SASH1: variants seen among roughly 807,000 people sequenced by gnomAD.
SASH1 encodes the protein SAM and SH3 domain containing 1.
SASH1 carries 44 observed loss-of-function variants against 125.2 expected under a neutral mutation model. That is an observed-to-expected ratio of 0.35 (90% CI 0.28 to 0.45). SASH1 has a LOEUF of 0.45. Among genes scored for constraint, SASH1 ranks in the 20% least tolerant of loss-of-function variants. The probability of loss-of-function intolerance (pLI) is 1.00; values close to 1 mark genes in which losing one functional copy is unlikely to be tolerated. For missense variants in SASH1, 1,426 were observed against 1,614.5 expected (o/e 0.88, Z 2.00); for synonymous variants, 639 against 649.1 (o/e 0.98, Z 0.24).
At chr6:148,408,407 A>G (rs1784468705) in intron 2 of SASH1, among the ~76,000 whole-genome samples, 1 of 152,056 alleles carries the variant, frequency 6.6e-6, no homozygotes, top group South Asian at 2.1e-4. Context: ...CGCCCAGCGC[A>G]TCTTTTCATA....
the SASH1 span, among the ~76,000 whole-genome samples, chr6:148,254,807 A>G: frequency 6.6e-6 from 1 of 152,232 alleles, no homozygotes. Flanking sequence ...GCAGTTCTTC[A>G]AAGTTATACC....
chr6:148,200,970 A>G, the SASH1 span, among the ~76,000 whole-genome samples: 1 of 152,184 alleles, frequency 6.6e-6, no homozygotes, highest in Non-Finnish European at 1.5e-5. Flanking sequence ...CTGATGTGAC[A>G]AGATCACTTC....
chr6:148,492,326 T>C (rs1158656488), intron 8 of SASH1, among the ~76,000 whole-genome samples: 5 of 152,248 alleles, frequency 3.3e-5, no homozygotes, highest in Non-Finnish European at 5.9e-5. Context: ...TAGCTAGATA[T>C]AAATTGTGAG....
the SASH1 span, among the ~76,000 whole-genome samples, chr6:148,244,516 A>G: frequency 8.5e-5 from 13 of 152,224 alleles, no homozygotes; most frequent in Admixed American, 7.9e-4. Flanking sequence ...ACAGACATTT[A>G]GAGAGTGGGC....
chr6:148,369,852 G>A (rs1456040330), intron 1 of SASH1, among the ~76,000 whole-genome samples: 7 of 151,288 alleles, frequency 4.6e-5, no homozygotes, highest in Non-Finnish European at 8.8e-5. Flanking sequence ...TACTCAGGAG[G>A]CTGAGGCATG....
intron 8 of SASH1, among the ~76,000 whole-genome samples, chr6:148,503,604 C>G (rs1779648996): frequency 6.6e-6 from 1 of 152,124 alleles, no homozygotes; most frequent in Non-Finnish European, 1.5e-5. Flanking sequence ...AAAGGAAAAT[C>G]TTTTGAGGCA....
chr6:148,280,092 G>GA lies in SASH1; in HGVS notation n.74+7723dup, dbSNP rs1000872388. On this transcript the variant is annotated intron_variant and non_coding_transcript_variant, in intron 1 of 3. Transcript: ENST00000367469. ...ATCATTCCCCCCCGACATAACAAAAGAAAAAAAAGATTGTGTATTTTCAAC... is the reference window on the plus strand; with the variant it reads ...ATCATTCCCCCCCGACATAACAAAAGAAAAAAAAAGATTGTGTATTTTCAAC... 8.9e-5 allele frequency among the ~76,000 whole-genome samples: 11 copies of GA among 123,006 alleles called. No individual in the cohort carries two copies. The Admixed American group carries it at 1.2e-3, about 14-fold the overall frequency. The allele number at this position is 123,006 out of a possible 152,430, so 80.7% of individuals were successfully genotyped here. A position where few individuals can be genotyped will look rare whatever the true frequency, so the allele number is the denominator to read the frequency against.
chr6:148,459,684 G>A (rs1160605527), intron 4 of SASH1, among the ~76,000 whole-genome samples: 1 of 152,038 alleles, frequency 6.6e-6, no homozygotes, highest in Non-Finnish European at 1.5e-5. Context: ...TTGGTTCATA[G>A]GTAGGGTGGT....
chr6:148,542,500 C>T (rs1782278944), intron 17 of SASH1, among the ~76,000 whole-genome samples: 1 of 152,208 alleles, frequency 6.6e-6, no homozygotes, highest in African/African-American at 2.4e-5. Flanking sequence ...CATTCTCCCG[C>T]CTCAGCCTCC....
chr6:148,319,070 T>C (rs1269051001), intron 1 of SASH1, among the ~76,000 whole-genome samples: 2 of 136,682 alleles, frequency 1.5e-5, no homozygotes, highest in Non-Finnish European at 3.1e-5. Flanking sequence ...TCTGGCTCTG[T>C]AGCCCAGGCT....
intron 7 of SASH1, among the ~76,000 whole-genome samples, chr6:148,475,026 A>G (rs991784650): frequency 6.6e-6 from 1 of 152,212 alleles, no homozygotes; most frequent in Non-Finnish European, 1.5e-5. Context: ...AGGCACTACA[A>G]GAAGCCTAAT....
Position 148,471,425 on chromosome 6 carries a change from G to C in SASH1, c.436G>C (p.Asp146His). The C allele has an allele frequency of 9.5e-7, 1 of 1,049,896 alleles. No individual in the cohort carries two copies. The highest frequency in any genetic ancestry group is 1.4e-6 in the Non-Finnish European group (1 of 714,034). 65.0% of individuals were successfully genotyped at this position (1,049,896 alleles called of 1,614,324 possible). The stretch of plus-strand genomic sequence containing the variant: ...TTTTTTTTTTTTTTAAGGAAAAGGA[G>C]ACTGGAAGAAGAAAAATAAGTATTT... ...NSEDSSVGKG[D>H]WKKKNKYFWQ... Residue 146 changes from aspartate (D) to histidine (H), a missense_variant, in exon 6 of 20, where the codon GAC (aspartate) becomes CAC (histidine). Physicochemically the swap from Asp to His is moderately conservative, Grantham distance 81 (BLOSUM62 -1). Coordinates refer to ENST00000367467, the MANE Select transcript of SASH1 (RefSeq NM_015278.5).
At chr6:148,409,705 G>A (rs1378198287) in intron 2 of SASH1, among the ~76,000 whole-genome samples, 1 of 152,172 alleles carries the variant, frequency 6.6e-6, no homozygotes, top group Non-Finnish European at 1.5e-5. Context: ...GGAGGCCTAG[G>A]TGGGCGGATC....
Position 148,432,355 on chromosome 6 carries a change from G to A in SASH1, c.286-7829G>A, listed in dbSNP as rs116955667. On this transcript the variant is annotated intron_variant, in intron 2 of 19. Transcript: ENST00000367467. ...CTGTTACTTGGTAAGGATCTCTCCG[G>A]TGAAGAACACATATAATGTAGTTTG... Among the ~76,000 whole-genome samples, 233 of 152,268 alleles carry A rather than the reference G, an allele frequency of 1.5e-3. 2 individuals are homozygous for A. Among genetic ancestry groups the A allele is most frequent in the Non-Finnish European group, 2.9e-3 (197 of 68,026 alleles).
chr6:148,281,673 A>G (rs1779344994), intron 1 of SASH1, among the ~76,000 whole-genome samples: 1 of 152,174 alleles, frequency 6.6e-6, no homozygotes, highest in Admixed American at 6.5e-5. Context: ...CTGTAATCCC[A>G]GCACTTTGGG....
At chr6:148,530,118 A>T (rs1029288966) in intron 12 of SASH1, among the ~76,000 whole-genome samples, 1 of 152,102 alleles carries the variant, frequency 6.6e-6, no homozygotes, top group Non-Finnish European at 1.5e-5. Flanking sequence ...GTGTTTTTTT[A>T]AAAAAACTTT....
chr6:148,325,562 C>T (rs1156619326), intron 1 of SASH1, among the ~76,000 whole-genome samples: 1 of 152,126 alleles, frequency 6.6e-6, no homozygotes, highest in East Asian at 1.9e-4. Context: ...GCATGACCCA[C>T]TGTGCCTGGC....
intron 1 of SASH1, among the ~76,000 whole-genome samples, chr6:148,379,333 A>AT (rs1303737873): frequency 6.6e-6 from 1 of 152,114 alleles, no homozygotes; most frequent in African/African-American, 2.4e-5. Flanking sequence ...GAGGAATTAC[A>AT]TTTGATATTC....
At chr6:148,204,382 T>C in the SASH1 span, among the ~76,000 whole-genome samples, 1 of 152,098 alleles carries the variant, frequency 6.6e-6, no homozygotes, top group African/African-American at 2.4e-5. Context: ...CCCCCAAAAG[T>C]TGGAGGTTTT....
Sources: gnomAD v4.1 joint callset for allele counts (sites outside exome capture counted in the v4.1 genomes callset) on GRCh38, gnomAD v4.1.1 for gene constraint, MANE v1.5 for transcripts, NCBI Gene and HGNC (gene_info 2026-07-23, HGNC 2026-07-21) for gene names.